The following KYNU variants were observed in gnomAD, a reference collection of about 807,000 sequenced individuals.
KYNU encodes kynureninase, also known as L-kynurenine hydrolase.
Under a neutral mutation model 59.2 loss-of-function variants are expected in KYNU, and 54 were observed. The ratio of observed to expected loss-of-function variants is 0.91; its 90% CI spans 0.73 to 1.14. The LOEUF (loss-of-function observed/expected upper bound fraction) is 1.14. Ranked by LOEUF, KYNU falls within the 50% of genes most tolerant of loss-of-function variation. The pLI, the probability that KYNU is intolerant of heterozygous loss-of-function variation, is 0.00. For missense variants in KYNU, 567 were observed against 554.4 expected (o/e 1.02, Z -0.23); for synonymous variants, 177 against 192.0 (o/e 0.92, Z 0.65).
At position 143,042,352 on chromosome 2, in the gene KYNU, A is replaced by G. The variant is rs1269938216; in HGVS notation, c.*180A>G. ...CAGAGTCTGTGGCACTAAGGAGTCC[A>G]CAGGGCTGCCTAGGTGCTTTGTGTT... is the stretch of plus-strand genomic sequence containing the variant. On this transcript the variant is annotated 3_prime_UTR_variant, in exon 14 of 14. Transcript: ENST00000264170. The G allele has an allele frequency of 3.3e-6, 2 of 615,126 alleles. No individual in the cohort carries two copies. Among genetic ancestry groups the G allele is most frequent in the Non-Finnish European group, 5.5e-6 (2 of 366,358 alleles). The allele number at this position is 615,126 out of a possible 1,614,324, so 38.1% of individuals were successfully genotyped here.
At chr2:143,012,220 G>A (rs1359046685) in intron 10 of KYNU, among the ~76,000 whole-genome samples, 5 of 152,196 alleles carry the variant, frequency 3.3e-5, no homozygotes, top group East Asian at 3.9e-4. Flanking sequence ...GATGACTCAC[G>A]CCTGTAATCC....
At chr2:142,947,399 G>C (rs189643722) in intron 4 of KYNU, 61 of 641,682 alleles carry the variant, frequency 9.5e-5, no homozygotes, top group East Asian at 6.6e-4. Context: ...TGAAGACATC[G>C]GAATAAAAGC....
At chr2:143,041,235 G>A (rs1009020395) in intron 13 of KYNU, among the ~76,000 whole-genome samples, 1 of 151,732 alleles carries the variant, frequency 6.6e-6, no homozygotes, top group Admixed American at 6.6e-5. Flanking sequence ...GTAATTTCAG[G>A]GAAAAAAGAT....
chr2:143,041,329 G>C (rs1489941750), intron 13 of KYNU, among the ~76,000 whole-genome samples: 2 of 151,982 alleles, frequency 1.3e-5, no homozygotes, highest in Non-Finnish European at 2.9e-5. Context: ...CCAGATGCTG[G>C]AGACACAAGT....
chr2:143,008,236 A>T (rs1479303878), intron 10 of KYNU, among the ~76,000 whole-genome samples: 1 of 105,868 alleles, frequency 9.4e-6, no homozygotes, highest in African/African-American at 4.5e-5. Flanking sequence ...ATGGAAAACA[A>T]AAAAAGGCAG....
intron 8 of KYNU, among the ~76,000 whole-genome samples, chr2:142,977,815 G>C (rs1428527155): frequency 6.6e-6 from 1 of 152,078 alleles, no homozygotes; most frequent in Non-Finnish European, 1.5e-5. Context: ...AGAGTTGGGA[G>C]GAAAGGAAAA....
intron 7 of KYNU, among the ~76,000 whole-genome samples, chr2:142,958,990 C>A (rs904199985): frequency 6.6e-6 from 1 of 151,906 alleles, no homozygotes; most frequent in Non-Finnish European, 1.5e-5. Flanking sequence ...ATAAAGTATA[C>A]TTCACTTAAT....
intron 10 of KYNU, among the ~76,000 whole-genome samples, chr2:142,993,890 T>C (rs1685470207): frequency 1.3e-5 from 2 of 152,052 alleles, no homozygotes; most frequent in South Asian, 4.1e-4. Context: ...TAGTCATTAA[T>C]TTGAGAACAC....
At chr2:142,974,454 C>T (rs368734129) in intron 8 of KYNU, among the ~76,000 whole-genome samples, 1 of 152,174 alleles carries the variant, frequency 6.6e-6, no homozygotes, top group Non-Finnish European at 1.5e-5. Context: ...TATGACTCAG[C>T]TTTCAGCTTT....
intron 10 of KYNU, among the ~76,000 whole-genome samples, chr2:143,013,051 A>G (rs945053176): frequency 2.0e-5 from 3 of 152,144 alleles, no homozygotes; most frequent in East Asian, 1.9e-4. Flanking sequence ...ATGGCTATTC[A>G]TAGGTGCTAT....
intron 4 of KYNU, among the ~76,000 whole-genome samples, chr2:142,929,079 A>G (rs1683131318): frequency 1.3e-5 from 2 of 151,234 alleles, no homozygotes; most frequent in Admixed American, 1.3e-4. Flanking sequence ...CAGTAAAGGA[A>G]GATGCAAATA....
intron 8 of KYNU, among the ~76,000 whole-genome samples, chr2:142,974,409 A>G (rs1422699191): frequency 6.6e-6 from 1 of 152,220 alleles, no homozygotes; most frequent in African/African-American, 2.4e-5. Context: ...ATCTGTAGCT[A>G]TCTGCTTAAG....
At chr2:142,979,314 T>C (rs923150327) in intron 8 of KYNU, among the ~76,000 whole-genome samples, 1 of 152,198 alleles carries the variant, frequency 6.6e-6, no homozygotes, top group African/African-American at 2.4e-5. Flanking sequence ...TTAACATCAC[T>C]TTAGAGAATA....
chr2:142,883,016 G>A (rs139954654), intron 1 of KYNU, among the ~76,000 whole-genome samples: 33,690 of 151,760 alleles, frequency 0.22, 4,577 homozygotes, highest in South Asian at 0.4. Flanking sequence ...TTTAATGATC[G>A]CCATTCTAAC....
intron 10 of KYNU, among the ~76,000 whole-genome samples, chr2:143,006,545 G>A (rs1226467656): frequency 4.2e-5 from 4 of 94,530 alleles, no homozygotes. Flanking sequence ...AAACTGGGTG[G>A]AGCCCACCAC....
At chr2:142,959,963 G>A (rs933648466) in intron 7 of KYNU, among the ~76,000 whole-genome samples, 2 of 152,096 alleles carry the variant, frequency 1.3e-5, no homozygotes, top group Non-Finnish European at 2.9e-5. Flanking sequence ...GAGTTGCTCT[G>A]TCACCCAGGC....
intron 1 of KYNU, among the ~76,000 whole-genome samples, chr2:142,883,415 G>T (rs1465503787): frequency 6.6e-6 from 1 of 151,720 alleles, no homozygotes; most frequent in Non-Finnish European, 1.5e-5. Context: ...AGCCAGGACG[G>T]TCTTGATCTC....
At chr2:142,973,154 C>A (rs1193000997) in intron 8 of KYNU, among the ~76,000 whole-genome samples, 2 of 150,674 alleles carry the variant, frequency 1.3e-5, no homozygotes, top group African/African-American at 4.9e-5. Flanking sequence ...AAATTGGTGT[C>A]AGCATTTAGA....
At chr2:142,885,683 C>T (rs1266147677) in intron 2 of KYNU, 147 bp downstream of exon 2, 1 of 755,738 alleles carries the variant, frequency 1.3e-6, no homozygotes, top group Non-Finnish European at 2.2e-6. Context: ...CCCTGGTGCT[C>T]TCAATCAACC....
Sources: gnomAD v4.1 joint callset for allele counts (sites outside exome capture counted in the v4.1 genomes callset) on GRCh38, gnomAD v4.1.1 for gene constraint, MANE v1.5 for transcripts, NCBI Gene and HGNC (gene_info 2026-07-23, HGNC 2026-07-21) for gene names.